Variants in FHIT observed in about 807,000 individuals in gnomAD.
FHIT encodes fragile histidine triad diadenosine triphosphatase, also known as bis(5'-adenosyl)-triphosphatase.
FHIT carries 19 observed loss-of-function variants against 17.9 expected under a neutral mutation model. That is an observed-to-expected ratio of 1.06 (90% CI 0.74 to 1.56). FHIT has a LOEUF of 1.56. Ranked by LOEUF, FHIT falls within the 40% of genes most tolerant of loss-of-function variation. The pLI is 0.00. For synonymous variants in FHIT, 81 were observed against 69.7 expected (o/e 1.16, Z -0.81); for missense variants, 248 against 189.2 (o/e 1.31, Z -1.82).
intron 3 of FHIT, among the ~76,000 whole-genome samples, chr3:60,970,920 T>C (rs1230879569): frequency 6.6e-6 from 1 of 152,238 alleles, no homozygotes; most frequent in Non-Finnish European, 1.5e-5. Flanking sequence ...GTTCCATCTC[T>C]ATCCCCATCC....
intron 5 of FHIT, among the ~76,000 whole-genome samples, chr3:60,129,042 C>CCTTTTTTTTTTT (rs1553692314): frequency 1.2e-4 from 14 of 113,058 alleles, no homozygotes; most frequent in African/African-American, 3.4e-4. Context: ...TTCTTCTTTC[C>CCTTTTTTTTTTT]TTTTTTGTTT....
chr3:60,501,366 G>A (rs146201610), intron 5 of FHIT, among the ~76,000 whole-genome samples: 14 of 152,316 alleles, frequency 9.2e-5, no homozygotes, highest in African/African-American at 3.4e-4. Context: ...TCCCAGAGTT[G>A]CAATACTATC....
At chr3:61,081,279 C>T (rs1172477103) in intron 2 of FHIT, among the ~76,000 whole-genome samples, 2 of 152,176 alleles carry the variant, frequency 1.3e-5, no homozygotes, top group Non-Finnish European at 2.9e-5. Flanking sequence ...TCACACCAAC[C>T]TGCCTCTCCT....
chr3:60,014,091 C>T lies in FHIT; in HGVS notation c.165G>A (p.Val55=), dbSNP rs1183813618. Residue 55 remains valine, a synonymous_variant, in exon 6 of 10, where the codon GTG becomes GTA. Transcript: ENST00000492590. ...TCTGGGTCGTCTGAAACAAATCGGC[C>T]ACTTCATCAGGACGCAGGTCATGGA... The part of the protein sequence containing the change: ...ERFHDLRPDE[V]ADLFQTTQRV... 2 of 1,614,052 alleles carry T rather than the reference C, an allele frequency of 1.2e-6. No homozygotes were observed. Among genetic ancestry groups the T allele is most frequent in the Admixed American group, 1.7e-5 (1 of 60,012 alleles).
chr3:60,134,650 C>T (rs1358605139), intron 5 of FHIT, among the ~76,000 whole-genome samples: 1 of 152,186 alleles, frequency 6.6e-6, no homozygotes, highest in Non-Finnish European at 1.5e-5. Flanking sequence ...CAATAATGGG[C>T]TCCTGTTCAG....
chr3:60,373,496 G>A (rs1047290916), intron 5 of FHIT, among the ~76,000 whole-genome samples: 5 of 152,160 alleles, frequency 3.3e-5, no homozygotes, highest in Admixed American at 3.3e-4. Flanking sequence ...GAGCTCAGAG[G>A]CCATCTTAGG....
intron 7 of FHIT, among the ~76,000 whole-genome samples, chr3:59,983,202 G>T (rs540700227): frequency 6.6e-6 from 1 of 152,012 alleles, no homozygotes; most frequent in Admixed American, 6.6e-5. Flanking sequence ...GTCTCCCAAA[G>T]TGCTAGGATT....
chr3:60,245,121 T>C (rs529954897), intron 5 of FHIT, among the ~76,000 whole-genome samples: 2 of 152,042 alleles, frequency 1.3e-5, no homozygotes, highest in African/African-American at 4.8e-5. Context: ...GGATAGAGAA[T>C]ATGGATATGA....
At chr3:60,745,284 G>A (rs2042333695) in intron 4 of FHIT, among the ~76,000 whole-genome samples, 1 of 152,102 alleles carries the variant, frequency 6.6e-6, no homozygotes, top group Non-Finnish European at 1.5e-5. Context: ...TTTAAAGCCA[G>A]GGGAAAAGCA....
At chr3:59,918,922 G>A (rs1705270987) in intron 8 of FHIT, among the ~76,000 whole-genome samples, 1 of 152,188 alleles carries the variant, frequency 6.6e-6, no homozygotes, top group Non-Finnish European at 1.5e-5. Context: ...ATGCAATGCT[G>A]AGCTGCAGGA....
chr3:60,835,273 T>C (rs1273333209), intron 3 of FHIT, among the ~76,000 whole-genome samples: 7 of 152,144 alleles, frequency 4.6e-5, no homozygotes, highest in African/African-American at 1.7e-4. Context: ...CATACTGAGA[T>C]TTTTGATAGG....
At chr3:60,212,532 C>T (rs527242400) in intron 5 of FHIT, among the ~76,000 whole-genome samples, 3 of 152,108 alleles carry the variant, frequency 2.0e-5, no homozygotes, top group African/African-American at 7.2e-5. Context: ...GTATTTTCTC[C>T]AAAACACATA....
At chr3:59,783,747 T>C (rs1286731897) in intron 8 of FHIT, among the ~76,000 whole-genome samples, 1 of 152,144 alleles carries the variant, frequency 6.6e-6, no homozygotes, top group Non-Finnish European at 1.5e-5. Context: ...TCTCCACACG[T>C]TGCCAAATAT....
Position 60,600,710 on chromosome 3 carries a change from T to C in FHIT, c.-17-63731A>G, listed in dbSNP as rs556136615. Among the ~76,000 whole-genome samples, 102 of 152,252 alleles carry C rather than the reference T, an allele frequency of 6.7e-4. 1 individual carries two copies. The highest frequency in any genetic ancestry group is 2.4e-3 in the African/African-American group (99 of 41,566). ...GAACTACCCTAAATATGAAAAGGTA[T>C]GGACTGACAGAAGGGGAGTGATGAG... is the stretch of plus-strand genomic sequence containing the variant. On this transcript the variant is annotated intron_variant, in intron 4 of 9. Transcript: ENST00000492590.
At chr3:61,031,246 C>T (rs1276472329) in intron 3 of FHIT, among the ~76,000 whole-genome samples, 1 of 152,140 alleles carries the variant, frequency 6.6e-6, no homozygotes, top group African/African-American at 2.4e-5. Flanking sequence ...GATACACAAA[C>T]AAGTTATTAA....
chr3:60,799,499 T>C (rs1701109561), intron 4 of FHIT, among the ~76,000 whole-genome samples: 1 of 64,602 alleles, frequency 1.5e-5, no homozygotes, highest in African/African-American at 3.2e-5. Context: ...TAACATATGA[T>C]GCCCTCTAAA....
intron 4 of FHIT, among the ~76,000 whole-genome samples, chr3:60,697,362 G>C (rs1182373544): frequency 6.6e-6 from 1 of 152,098 alleles, no homozygotes; most frequent in East Asian, 1.9e-4. Flanking sequence ...TGAACCTTGA[G>C]ATAGGTGTTT....
intron 5 of FHIT, among the ~76,000 whole-genome samples, chr3:60,251,764 T>C (rs1018086912): frequency 6.6e-6 from 1 of 152,142 alleles, no homozygotes; most frequent in Non-Finnish European, 1.5e-5. Context: ...ATACCTTTCT[T>C]TTCCCTCCCA....
At chr3:60,054,970 C>G (rs559622471) in intron 5 of FHIT, among the ~76,000 whole-genome samples, 3 of 152,078 alleles carry the variant, frequency 2.0e-5, no homozygotes, top group Admixed American at 6.6e-5. Flanking sequence ...CTCCAAACTC[C>G]CACTGATCTG....
Sources: gnomAD v4.1 joint callset for allele counts (sites outside exome capture counted in the v4.1 genomes callset) on GRCh38, gnomAD v4.1.1 for gene constraint, MANE v1.5 for transcripts, NCBI Gene and HGNC (gene_info 2026-07-23, HGNC 2026-07-21) for gene names.